GMDS: variants seen among roughly 807,000 people sequenced by gnomAD.
The protein encoded by GMDS is GDP-mannose 4,6-dehydratase, also known as GDP-mannose 4,6 dehydratase.
A neutral mutation model predicts 49.9 loss-of-function variants in GMDS; 20 were observed. That is an observed-to-expected ratio of 0.40 (90% CI 0.28 to 0.58). The LOEUF (loss-of-function observed/expected upper bound fraction) is 0.58. Among genes scored for constraint, GMDS ranks in the 20% least tolerant of loss-of-function variants. The pLI, the probability that GMDS is intolerant of heterozygous loss-of-function variation, is 0.42. For synonymous variants in GMDS, 177 were observed against 178.6 expected, an observed-to-expected ratio of 0.99 and a Z score of 0.07; for missense variants, 362 against 481.4, an observed-to-expected ratio of 0.75 and a Z score of 2.32.
intron 6 of GMDS, among the ~76,000 whole-genome samples, chr6:1,939,600 TATACACATAC>T (rs1004857987): frequency 4.9e-5 from 4 of 80,808 alleles, no homozygotes; most frequent in Non-Finnish European, 9.1e-5. Context: ...CACACACACA[TATACACATAC>T]ACACACACAG....
chr6:1,683,601 T>TG (rs1764870755), intron 9 of GMDS, among the ~76,000 whole-genome samples: 3 of 152,234 alleles, frequency 2.0e-5, no homozygotes, highest in Non-Finnish European at 4.4e-5. Flanking sequence ...CCCTCATGGC[T>TG]TTCAAGGATG....
intron 4 of GMDS, among the ~76,000 whole-genome samples, chr6:2,028,924 A>T (rs1396697501): frequency 6.6e-6 from 1 of 152,066 alleles, no homozygotes; most frequent in Admixed American, 6.6e-5. Context: ...TTTGGGAGCA[A>T]AGCATACTTT....
intron 4 of GMDS, among the ~76,000 whole-genome samples, chr6:2,071,147 C>T (rs1369458701): frequency 1.3e-5 from 2 of 152,216 alleles, no homozygotes; most frequent in African/African-American, 2.4e-5. Context: ...GCATTCCCTA[C>T]TGAACCCACA....
chr6:2,221,459 C>A (rs1253229187), intron 1 of GMDS, among the ~76,000 whole-genome samples: 3 of 152,130 alleles, frequency 2.0e-5, no homozygotes, highest in Non-Finnish European at 4.4e-5. Flanking sequence ...CGGCTCACTG[C>A]AAGCTCCGCC....
At chr6:1,886,166 A>G (rs534386161) in intron 7 of GMDS, among the ~76,000 whole-genome samples, 104 of 152,286 alleles carry the variant, frequency 6.8e-4, no homozygotes, top group African/African-American at 2.5e-3. Flanking sequence ...TTAATTTCCA[A>G]CTTGAAGAAC....
chr6:1,671,770 T>C (rs1393017663), intron 9 of GMDS, among the ~76,000 whole-genome samples: 4 of 150,644 alleles, frequency 2.7e-5, no homozygotes, highest in African/African-American at 9.8e-5. Flanking sequence ...GTTCAACTGA[T>C]TCTCCTGCCT....
chr6:1,858,034 G>C (rs900586137), intron 7 of GMDS, among the ~76,000 whole-genome samples: 1 of 152,104 alleles, frequency 6.6e-6, no homozygotes, highest in Admixed American at 6.5e-5. Flanking sequence ...CTGTGTAAGA[G>C]TAACGAATGT....
At chr6:1,859,275 G>A (rs576689934) in intron 7 of GMDS, among the ~76,000 whole-genome samples, 2 of 152,300 alleles carry the variant, frequency 1.3e-5, no homozygotes, top group African/African-American at 4.8e-5. Flanking sequence ...GTCTGCAAAT[G>A]CTGCTGCTTG....
chr6:1,783,526 G>A (rs1342269787), intron 7 of GMDS, among the ~76,000 whole-genome samples: 7 of 152,162 alleles, frequency 4.6e-5, no homozygotes, highest in Non-Finnish European at 7.3e-5. Flanking sequence ...AATCCAAATG[G>A]AGGAGCACGA....
At chr6:1,946,188 G>C (rs1487266337) in intron 6 of GMDS, among the ~76,000 whole-genome samples, 2 of 152,192 alleles carry the variant, frequency 1.3e-5, no homozygotes, top group African/African-American at 4.8e-5. Flanking sequence ...GGAAAAACTA[G>C]AGGGCCAGGA....
At chr6:2,154,660 A>C (rs1421477399) in intron 1 of GMDS, among the ~76,000 whole-genome samples, 3 of 151,976 alleles carry the variant, frequency 2.0e-5, no homozygotes, top group Admixed American at 6.6e-5. Context: ...TGTTCTCTTG[A>C]CTAATTCTAG....
intron 7 of GMDS, among the ~76,000 whole-genome samples, chr6:1,782,021 A>G (rs1356272435): frequency 6.6e-6 from 1 of 152,178 alleles, no homozygotes; most frequent in Non-Finnish European, 1.5e-5. Context: ...GCTTGGATCA[A>G]AAGGATCTGA....
At chr6:2,043,282 T>C (rs938712403) in intron 4 of GMDS, 1 of 152,284 alleles carries the variant, frequency 6.6e-6, no homozygotes, top group Non-Finnish European at 1.5e-5. Flanking sequence ...TTAACAGGGC[T>C]CCTGCAAATC....
intron 9 of GMDS, among the ~76,000 whole-genome samples, chr6:1,671,558 A>G (rs1365288910): frequency 6.6e-6 from 1 of 152,142 alleles, no homozygotes; most frequent in East Asian, 1.9e-4. Flanking sequence ...GGAATCAACG[A>G]TATCATTCTG....
At chr6:2,111,511 C>T (rs1774542796) in intron 4 of GMDS, among the ~76,000 whole-genome samples, 1 of 152,080 alleles carries the variant, frequency 6.6e-6, no homozygotes, top group African/African-American at 2.4e-5. Context: ...CGCTGGTTTC[C>T]TACAGGAAAC....
chr6:1,968,145 G>A (rs1385351163), intron 4 of GMDS, among the ~76,000 whole-genome samples: 10 of 152,180 alleles, frequency 6.6e-5, no homozygotes, highest in African/African-American at 1.9e-4. Flanking sequence ...TTATAACTAT[G>A]TGAAACTGAA....
chr6:1,711,644 G>A (rs1480436255), intron 9 of GMDS, among the ~76,000 whole-genome samples: 2 of 152,136 alleles, frequency 1.3e-5, no homozygotes, highest in African/African-American at 4.8e-5. Context: ...TTTTGCACAC[G>A]TTATGTCTAG....
At chr6:2,129,181 A>C (rs963443078) in intron 1 of GMDS, among the ~76,000 whole-genome samples, 3 of 152,134 alleles carry the variant, frequency 2.0e-5, no homozygotes, top group African/African-American at 7.2e-5. Flanking sequence ...CAACTATGAA[A>C]AGCTGAAAGA....
intron 1 of GMDS, among the ~76,000 whole-genome samples, chr6:2,138,677 T>C (rs933645237): frequency 6.6e-6 from 1 of 152,210 alleles, no homozygotes; most frequent in African/African-American, 2.4e-5. Context: ...CTTTTCTTTA[T>C]AAGTTACACG....
Sources: gnomAD v4.1 joint callset for allele counts (sites outside exome capture counted in the v4.1 genomes callset) on GRCh38, gnomAD v4.1.1 for gene constraint, MANE v1.5 for transcripts, NCBI Gene and HGNC (gene_info 2026-07-23, HGNC 2026-07-21) for gene names.